RORA: variants seen among roughly 807,000 people sequenced by gnomAD.
RORA encodes the protein RAR related orphan receptor A.
A neutral mutation model predicts 69.5 loss-of-function variants in RORA; 7 were observed. The ratio of observed to expected loss-of-function variants is 0.10; its 90% CI spans 0.06 to 0.19. The LOEUF (loss-of-function observed/expected upper bound fraction) is 0.19. Ranked by LOEUF, RORA falls within the 10% of genes least tolerant of loss-of-function variation. The pLI is 1.00. For synonymous variants in RORA, 261 were observed against 240.8 expected, an observed-to-expected ratio of 1.08 and a Z score of -0.78; for missense variants, 457 against 663.0, an observed-to-expected ratio of 0.69 and a Z score of 3.41.
In RORA at chr15:60,657,335, T is replaced by C. The variant is rs182864327; in HGVS notation, c.196+21322A>G. On this transcript the variant is annotated intron_variant, in intron 2 of 10. Coordinates refer to ENST00000335670, the MANE Select transcript of RORA (RefSeq NM_134261.3). The stretch of plus-strand genomic sequence containing the variant: ...AGCTTTGCTTATGCCAATACCCCCC[T>C]GCCCCACCCCCTGGGGAAGCAGGCC... 3.3e-5 allele frequency among the ~76,000 whole-genome samples: 5 copies of C among 152,204 alleles called. No homozygotes were observed. In the East Asian group the frequency reaches 9.7e-4, roughly 29 times the overall value.
chr15:61,084,097 C>T (rs2078587009), intron 1 of RORA, among the ~76,000 whole-genome samples: 8 of 152,148 alleles, frequency 5.3e-5, no homozygotes. Flanking sequence ...GAAGGGAGCT[C>T]TCTCACCTCA....
At chr15:60,881,160 T>C (rs341387) in intron 1 of RORA, among the ~76,000 whole-genome samples, 78,826 of 152,186 alleles carry the variant, frequency 0.52, 20,632 homozygotes, top group Non-Finnish European at 0.56. Context: ...ACCTTTCTTA[T>C]TGTCAGCCTC....
At chr15:61,112,004 T>C (rs933920384) in intron 1 of RORA, among the ~76,000 whole-genome samples, 1 of 152,178 alleles carries the variant, frequency 6.6e-6, no homozygotes, top group African/African-American at 2.4e-5. Flanking sequence ...TTGGGTTCAC[T>C]GAATTAGACA....
chr15:60,917,164 C>T (rs931654789), intron 1 of RORA, among the ~76,000 whole-genome samples: 5 of 152,290 alleles, frequency 3.3e-5, no homozygotes, highest in Non-Finnish European at 7.4e-5. Flanking sequence ...ACCCGCCTCC[C>T]CAAACAGATG....
chr15:61,183,649 A>G (rs1159764474), intron 1 of RORA, among the ~76,000 whole-genome samples: 1 of 152,072 alleles, frequency 6.6e-6, no homozygotes, highest in Non-Finnish European at 1.5e-5. Context: ...CTTTCTTTCA[A>G]AAGCAGTTTG....
At chr15:60,588,179 G>A (rs2068390641) in intron 2 of RORA, among the ~76,000 whole-genome samples, 1 of 152,130 alleles carries the variant, frequency 6.6e-6, no homozygotes, top group African/African-American at 2.4e-5. Context: ...CAAAAAAACT[G>A]TTTTTTAAGT....
intron 1 of RORA, among the ~76,000 whole-genome samples, chr15:60,904,087 C>T (rs1165606116): frequency 2.6e-5 from 4 of 152,132 alleles, no homozygotes; most frequent in Non-Finnish European, 4.4e-5. Context: ...TAGTAGGTAT[C>T]GGTGTCCTTT....
At chr15:60,557,269 A>C (rs966499482) in intron 2 of RORA, among the ~76,000 whole-genome samples, 4 of 152,222 alleles carry the variant, frequency 2.6e-5, no homozygotes, top group Non-Finnish European at 5.9e-5. Flanking sequence ...CCACTGTCTT[A>C]AGTTAAATAA....
chr15:60,857,829 G>A (rs1038649231), intron 1 of RORA, among the ~76,000 whole-genome samples: 18 of 152,282 alleles, frequency 1.2e-4, no homozygotes, highest in Non-Finnish European at 2.4e-4. Flanking sequence ...AGGATCCCAG[G>A]ATATTAGAGC....
intron 2 of RORA, among the ~76,000 whole-genome samples, chr15:60,671,087 T>C (rs2070459163): frequency 6.9e-6 from 1 of 145,728 alleles, no homozygotes; most frequent in Admixed American, 6.7e-5. Context: ...TATATATATA[T>C]ATATATATAT....
At chr15:60,704,185 TAGAC>T (rs1474680294) in intron 1 of RORA, among the ~76,000 whole-genome samples, 2 of 152,242 alleles carry the variant, frequency 1.3e-5, no homozygotes, top group African/African-American at 4.8e-5. Flanking sequence ...CAAGCTTCAA[TAGAC>T]GAAGTCTAAA....
rs115453874 is a variant in RORA at position 60,944,431 on chromosome 15, A to G, written c.167-265745T>C. ...CAGAAAACCGTATACAATAAGCAGC[A>G]CGGAGCGAGATGCGGTGGCTCAAGC... On this transcript the variant is annotated intron_variant, in intron 1 of 10. Transcript: ENST00000335670. Among the ~76,000 whole-genome samples the G allele has an allele frequency of 6.5e-3, 994 of 152,172 alleles. 10 individuals are homozygous for G. The highest frequency in any genetic ancestry group is 0.023 in the African/African-American group (965 of 41,494).
At chr15:60,978,959 C>CCCTTTTTTT (rs1423510527) in intron 1 of RORA, among the ~76,000 whole-genome samples, 1 of 48,988 alleles carries the variant, frequency 2.0e-5, no homozygotes, top group African/African-American at 7.3e-5. Flanking sequence ...TCCAACTTTG[C>CCCTTTTTTT]TCTTTTTTTT....
intron 1 of RORA, among the ~76,000 whole-genome samples, chr15:60,704,372 A>G (rs2071029962): frequency 6.6e-6 from 1 of 152,154 alleles, no homozygotes; most frequent in Admixed American, 6.5e-5. Context: ...CAACCCACAA[A>G]CTTGGGTGTC....
intron 3 of RORA, among the ~76,000 whole-genome samples, chr15:60,519,426 T>C (rs560581844): frequency 6.6e-6 from 1 of 152,304 alleles, no homozygotes; most frequent in East Asian, 1.9e-4. Flanking sequence ...TAGCATGGGG[T>C]AAAGCCAGGA....
intron 1 of RORA, among the ~76,000 whole-genome samples, chr15:60,830,914 G>T (rs1194391532): frequency 1.3e-5 from 2 of 152,178 alleles, no homozygotes; most frequent in East Asian, 3.9e-4. Context: ...ACAGTAAAGT[G>T]TTGTTGCTAA....
At chr15:60,844,891 G>A (rs1222308327) in intron 1 of RORA, among the ~76,000 whole-genome samples, 1 of 152,194 alleles carries the variant, frequency 6.6e-6, no homozygotes, top group Non-Finnish European at 1.5e-5. Context: ...AGGAAGCCAA[G>A]GTAACTGGGC....
intron 1 of RORA, among the ~76,000 whole-genome samples, chr15:60,964,325 T>C (rs1475355611): frequency 6.6e-6 from 1 of 152,200 alleles, no homozygotes; most frequent in Non-Finnish European, 1.5e-5. Flanking sequence ...CATTTCTTTA[T>C]GAAGCAGAGA....
In RORA at chr15:60,975,660, T is replaced by C. The variant is rs551264164; in HGVS notation, c.166+253393A>G. Among the ~76,000 whole-genome samples the C allele has an allele frequency of 1.6e-4, 24 of 152,168 alleles. No individual in the cohort carries two copies. In the South Asian group the frequency reaches 4.4e-3, roughly 28 times the overall value. On this transcript the variant is annotated intron_variant, in intron 1 of 10. Transcript: ENST00000335670. Reference sequence around the variant, plus strand: ...CTGGATTTCTGGGGCCCTCCACTTCTCTCCAGGAAGTGAAGGTAATCATGC... The same window carrying C: ...CTGGATTTCTGGGGCCCTCCACTTCCCTCCAGGAAGTGAAGGTAATCATGC...
Sources: allele counts gnomAD v4.1 joint callset (sites outside exome capture counted in the v4.1 genomes callset), GRCh38; gene constraint gnomAD v4.1.1; transcripts MANE v1.5; gene names NCBI Gene and HGNC (gene_info 2026-07-23, HGNC 2026-07-21).